The following ADAMTS17 variants were observed in gnomAD, a reference collection of about 807,000 sequenced individuals.
The protein encoded by ADAMTS17 is A disintegrin and metalloproteinase with thrombospondin motifs 17.
A neutral mutation model predicts 141.5 loss-of-function variants in ADAMTS17; 113 were observed. That is an observed-to-expected ratio of 0.80 (90% confidence interval 0.69 to 0.93). The LOEUF is 0.93. Ranked by LOEUF, ADAMTS17 falls within the 40% of genes least tolerant of loss-of-function variation. The pLI is 0.00. For missense variants in ADAMTS17, 1,659 were observed against 1,517.9 expected, an observed-to-expected ratio of 1.09 and a Z score of -1.54; for synonymous variants, 768 against 630.6, an observed-to-expected ratio of 1.22 and a Z score of -3.27.
At chr15:100,071,784 C>A (rs2033989790) in intron 15 of ADAMTS17, among the ~76,000 whole-genome samples, 1 of 150,242 alleles carries the variant, frequency 6.7e-6, no homozygotes, top group African/African-American at 2.5e-5. Context: ...TTATGACAAA[C>A]CCATAGCCAA....
chr15:100,096,045 G>T (rs1030359165), intron 15 of ADAMTS17, among the ~76,000 whole-genome samples: 1 of 152,228 alleles, frequency 6.6e-6, no homozygotes, highest in Non-Finnish European at 1.5e-5. Context: ...TTCTCTGCCT[G>T]TGCATCAGAA....
intron 7 of ADAMTS17, among the ~76,000 whole-genome samples, chr15:100,209,086 C>G (rs1268077232): frequency 3.4e-5 from 4 of 116,394 alleles, no homozygotes; most frequent in African/African-American, 1.4e-4. Flanking sequence ...AATGCAAGGC[C>G]ATGCATGGAA....
intron 8 of ADAMTS17, among the ~76,000 whole-genome samples, chr15:100,179,421 C>A (rs2040448515): frequency 2.6e-5 from 4 of 152,134 alleles, no homozygotes; most frequent in African/African-American, 9.7e-5. Context: ...TGGTAAGTAC[C>A]ATATTTTTTT....
intron 15 of ADAMTS17, among the ~76,000 whole-genome samples, chr15:100,084,055 C>A (rs1225247392): frequency 1.3e-5 from 2 of 151,766 alleles, no homozygotes; most frequent in South Asian, 2.1e-4. Flanking sequence ...ATCACCTCAC[C>A]CGGGAAGTGA....
chr15:100,091,028 A>AG (rs1555446594), intron 15 of ADAMTS17, among the ~76,000 whole-genome samples: 2,038 of 143,674 alleles, frequency 0.014, 110 homozygotes, highest in African/African-American at 0.052. Context: ...AAAAAAAAAA[A>AG]GGGTAACCAA....
At chr15:100,127,447 A>C (rs1387719545) in intron 12 of ADAMTS17, among the ~76,000 whole-genome samples, 1 of 152,216 alleles carries the variant, frequency 6.6e-6, no homozygotes, top group African/African-American at 2.4e-5. Context: ...TGGAGTTTCA[A>C]GAAGGAAGCA....
At chr15:100,219,531 GC>G (rs1567375589) in intron 7 of ADAMTS17, among the ~76,000 whole-genome samples, 1 of 152,126 alleles carries the variant, frequency 6.6e-6, no homozygotes, top group Non-Finnish European at 1.5e-5. Flanking sequence ...TAATCAGAGA[GC>G]GTTATCGTCC....
intron 15 of ADAMTS17, among the ~76,000 whole-genome samples, chr15:100,075,035 T>C (rs960606761): frequency 2.6e-5 from 4 of 150,980 alleles, no homozygotes; most frequent in Non-Finnish European, 5.9e-5. Context: ...CTAGTTGTTA[T>C]TTTTGTTTTA....
At chr15:100,250,851 A>C (rs1186695479) in intron 7 of ADAMTS17, among the ~76,000 whole-genome samples, 1 of 152,076 alleles carries the variant, frequency 6.6e-6, no homozygotes, top group Non-Finnish European at 1.5e-5. Context: ...ACCTCTCTGT[A>C]CTCTTTTGGC....
intron 18 of ADAMTS17, among the ~76,000 whole-genome samples, chr15:100,031,259 C>A (rs1286768149): frequency 5.9e-5 from 9 of 152,198 alleles, no homozygotes; most frequent in Admixed American, 5.9e-4. Context: ...CCGAACCTAA[C>A]AAATTGCATG....
intron 4 of ADAMTS17, among the ~76,000 whole-genome samples, chr15:100,263,784 A>G (rs1201812637): frequency 6.6e-6 from 1 of 152,260 alleles, no homozygotes; most frequent in Admixed American, 6.5e-5. Context: ...TATAGACATA[A>G]CCCAGGAGGG....
chr15:100,302,068 A>G (rs2045059324), intron 3 of ADAMTS17, among the ~76,000 whole-genome samples: 1 of 152,040 alleles, frequency 6.6e-6, no homozygotes, highest in African/African-American at 2.4e-5. Flanking sequence ...ATCACTTTCC[A>G]TTTTCCTCTG....
intron 13 of ADAMTS17, among the ~76,000 whole-genome samples, chr15:100,110,264 C>CAT (rs1596460687): frequency 8.1e-6 from 1 of 124,150 alleles, no homozygotes; most frequent in South Asian, 2.5e-4. Context: ...TACATATATA[C>CAT]ATATATATAT....
chr15:100,104,362 A>C (rs911709388), intron 14 of ADAMTS17, among the ~76,000 whole-genome samples: 1 of 152,212 alleles, frequency 6.6e-6, no homozygotes, highest in African/African-American at 2.4e-5. Context: ...TGTTAAGTTT[A>C]ATTTCAGCAT....
intron 13 of ADAMTS17, among the ~76,000 whole-genome samples, chr15:100,112,999 G>A (rs1213822195): frequency 6.6e-6 from 1 of 152,178 alleles, no homozygotes; most frequent in Non-Finnish European, 1.5e-5. Context: ...ATTGCTTTGA[G>A]TTCATCACAG....
At chr15:100,101,532 T>C (rs753297149) in intron 14 of ADAMTS17, among the ~76,000 whole-genome samples, 36 of 152,222 alleles carry the variant, frequency 2.4e-4, no homozygotes, top group Admixed American at 2.6e-4. Context: ...CCTCTGGTCG[T>C]TGGGTTTCCA....
chr15:100,257,528 A>T (rs1202552753), intron 6 of ADAMTS17, among the ~76,000 whole-genome samples: 1 of 152,258 alleles, frequency 6.6e-6, no homozygotes, highest in Non-Finnish European at 1.5e-5. Flanking sequence ...AAGAAAGCTC[A>T]GGCTCCCGGG....
At chr15:100,045,142 T>TAAAAAA (rs2031585286) in intron 18 of ADAMTS17, among the ~76,000 whole-genome samples, 2 of 152,044 alleles carry the variant, frequency 1.3e-5, no homozygotes, top group African/African-American at 4.8e-5. Flanking sequence ...CACATTAAAA[T>TAAAAAA]AACCTCAAAT....
At chr15:100,137,937 C>G (rs2038422237) in intron 10 of ADAMTS17, among the ~76,000 whole-genome samples, 1 of 152,186 alleles carries the variant, frequency 6.6e-6, no homozygotes, top group African/African-American at 2.4e-5. Context: ...CTTTCACTGC[C>G]AACACCAATG....
Sources: allele counts gnomAD v4.1 joint callset (sites outside exome capture counted in the v4.1 genomes callset), GRCh38; gene constraint gnomAD v4.1.1; transcripts MANE v1.5; gene names NCBI Gene and HGNC (gene_info 2026-07-23, HGNC 2026-07-21).